PSKH2: variants seen among roughly 807,000 people sequenced by gnomAD.
PSKH2 encodes the protein protein serine kinase H2.
In PSKH2, 16 loss-of-function variants were observed where a neutral mutation model predicts 22.5. The ratio of observed to expected loss-of-function variants is 0.71; its 90% CI spans 0.48 to 1.08. The LOEUF (loss-of-function observed/expected upper bound fraction) is 1.08. PSKH2 is among the 50% of genes least tolerant of loss of function. PSKH2 has a pLI of 0.00. For missense variants in PSKH2, 516 were observed against 492.8 expected, an observed-to-expected ratio of 1.05 and a Z score of -0.44; for synonymous variants, 188 against 184.8, an observed-to-expected ratio of 1.02 and a Z score of -0.14.
At chr8:86,069,370 G>T in intron 1 of PSKH2, 68 bp downstream of exon 1, 1 of 1,415,632 alleles carries the variant, frequency 7.1e-7, no homozygotes, top group Non-Finnish European at 9.4e-7. Context: ...GGAACCTCGA[G>T]GCGGTCTTGG....
chr8:86,058,532 C>T (rs2130156931), intron 2 of PSKH2, among the ~76,000 whole-genome samples: 1 of 152,342 alleles, frequency 6.6e-6, no homozygotes, highest in Non-Finnish European at 1.5e-5. Flanking sequence ...ATGCATTCTC[C>T]ATGCTTATTC....
intron 1 of PSKH2, among the ~76,000 whole-genome samples, chr8:86,067,875 G>A (rs1327211507): frequency 6.6e-6 from 1 of 152,158 alleles, no homozygotes; most frequent in Non-Finnish European, 1.5e-5. Context: ...AACCTTTGGG[G>A]ACACAACTAC....
chr8:86,068,745 C>T (rs1183276428), intron 1 of PSKH2, among the ~76,000 whole-genome samples: 1 of 152,120 alleles, frequency 6.6e-6, no homozygotes, highest in African/African-American at 2.4e-5. Flanking sequence ...CTTCACACAC[C>T]AGGTCTGGCA....
chr8:86,056,904 GTT>G (rs36014357), intron 2 of PSKH2, among the ~76,000 whole-genome samples: 4 of 139,930 alleles, frequency 2.9e-5, no homozygotes, highest in Admixed American at 7.2e-5. Flanking sequence ...GGTAGTTGGA[GTT>G]TTTTTTTTTT....
intron 2 of PSKH2, among the ~76,000 whole-genome samples, chr8:86,062,378 G>A (rs1039749990): frequency 2.0e-5 from 3 of 152,068 alleles, no homozygotes; most frequent in African/African-American, 4.8e-5. Flanking sequence ...CTTACAAATC[G>A]AATTATAAGA....
chr8:86,069,421 C>G lies in PSKH2; in HGVS notation c.185+17G>C. On this transcript the variant is annotated intron_variant, in intron 1 of 2. Transcript: ENST00000276616. ...TGTCAGCCCAGTCCCAGGCCAGTTC[C>G]TCACGTGGCGCTTTACCTGGCAAGG... is the stretch of plus-strand genomic sequence containing the variant. The G allele has an allele frequency of 6.4e-7, 1 of 1,559,480 alleles. No individual in the cohort carries two copies. The highest frequency in any genetic ancestry group is 8.7e-7 in the Non-Finnish European group (1 of 1,153,854).
intron 1 of PSKH2, among the ~76,000 whole-genome samples, chr8:86,069,172 C>G (rs1056449554): frequency 1.3e-5 from 2 of 152,132 alleles, no homozygotes; most frequent in African/African-American, 2.4e-5. Context: ...GGCTCCTGCC[C>G]TCCCACAGAG....
intron 2 of PSKH2, among the ~76,000 whole-genome samples, chr8:86,062,261 G>A (rs1334908575): frequency 6.6e-6 from 1 of 152,194 alleles, no homozygotes; most frequent in East Asian, 1.9e-4. Context: ...GCTCAGTTAT[G>A]TGTTCAAACA....
At chr8:86,053,624 T>C (rs1452462153) in intron 2 of PSKH2, among the ~76,000 whole-genome samples, 1 of 152,188 alleles carries the variant, frequency 6.6e-6, no homozygotes. Flanking sequence ...GTGCAAAAGA[T>C]TGGTAAATAT....
At chr8:86,067,096 G>A (rs1011225070) in intron 1 of PSKH2, among the ~76,000 whole-genome samples, 5 of 152,088 alleles carry the variant, frequency 3.3e-5, no homozygotes, top group Admixed American at 1.3e-4. Context: ...AGAACTACAC[G>A]CTTTTGCTCA....
chr8:86,054,627 G>T (rs1035618861), intron 2 of PSKH2, among the ~76,000 whole-genome samples: 1 of 152,106 alleles, frequency 6.6e-6, no homozygotes, highest in Non-Finnish European at 1.5e-5. Context: ...AAACGAAACT[G>T]CAGAAAGACA....
intron 1 of PSKH2, among the ~76,000 whole-genome samples, chr8:86,064,971 T>C (rs979147004): frequency 6.6e-6 from 1 of 152,134 alleles, no homozygotes; most frequent in Non-Finnish European, 1.5e-5. Context: ...AATAAGGAAA[T>C]TCAGACTTAA....
chr8:86,069,718 G>C (rs1180733209), upstream of PSKH2: 5 of 1,346,086 alleles, frequency 3.7e-6, no homozygotes, highest in East Asian at 1.4e-4. Context: ...GCGAGGGGCG[G>C]GACCCTCGGA....
rs369930631 is a variant in PSKH2 at position 86,064,393 on chromosome 8, C to T, written c.424G>A (p.Gly142Arg). Residue 142 changes from glycine to arginine, a missense_variant, in exon 2 of 3, where the codon GGA (glycine) becomes AGA (arginine). Physicochemically the swap from Gly to Arg is moderately radical, Grantham distance 125. Coordinates refer to ENST00000276616, the MANE Select transcript of PSKH2 (RefSeq NM_033126.3). ...ATGAGTCGATCAAAGAGCTCCCCTCCGGTAGCCAGCTCCATTACCATGTAA... is the reference window on the plus strand; with the variant it reads ...ATGAGTCGATCAAAGAGCTCCCCTCTGGTAGCCAGCTCCATTACCATGTAA... ...QVYMVMELAT[G>R]GELFDRLIAQ... 1.5e-5 allele frequency: 25 copies of T among 1,614,172 alleles called. No individual in the cohort carries two copies. Among genetic ancestry groups the T allele is most frequent in the Middle Eastern group, 1.6e-4 (1 of 6,062 alleles).
At chr8:86,052,529 G>C (rs1490533530) in intron 2 of PSKH2, among the ~76,000 whole-genome samples, 1 of 152,184 alleles carries the variant, frequency 6.6e-6, no homozygotes, top group African/African-American at 2.4e-5. Context: ...ATTAGACCAA[G>C]CATGTGAAAA....
intron 2 of PSKH2, among the ~76,000 whole-genome samples, chr8:86,062,769 G>A (rs1446459660): frequency 2.0e-5 from 3 of 152,230 alleles, no homozygotes; most frequent in Admixed American, 2.0e-4. Flanking sequence ...TTACAGTAGT[G>A]TGAAAATGGA....
At chr8:86,053,740 A>G (rs924456413) in intron 2 of PSKH2, among the ~76,000 whole-genome samples, 6 of 152,186 alleles carry the variant, frequency 3.9e-5, no homozygotes, top group South Asian at 2.1e-4. Context: ...ACAAAAAATC[A>G]TTATAAAAAT....
At chr8:86,068,292 G>C (rs970440211) in intron 1 of PSKH2, among the ~76,000 whole-genome samples, 2 of 152,300 alleles carry the variant, frequency 1.3e-5, no homozygotes, top group Non-Finnish European at 2.9e-5. Flanking sequence ...CAGTGCCTTG[G>C]GAAGCCAGCT....
At chr8:86,065,225 T>C (rs1271614750) in intron 1 of PSKH2, among the ~76,000 whole-genome samples, 6 of 152,230 alleles carry the variant, frequency 3.9e-5, no homozygotes, top group Admixed American at 6.5e-5. Context: ...GAGGATCCCA[T>C]ATCAGAAGAC....
Sources: gnomAD v4.1 joint callset for allele counts (sites outside exome capture counted in the v4.1 genomes callset) on GRCh38, gnomAD v4.1.1 for gene constraint, MANE v1.5 for transcripts, NCBI Gene and HGNC (gene_info 2026-07-23, HGNC 2026-07-21) for gene names.